Variants in WWC2 observed in about 807,000 individuals in gnomAD.
The protein encoded by WWC2 is protein WWC2.
WWC2 carries 101 observed loss-of-function variants against 138.5 expected under a neutral mutation model. The observed-to-expected ratio is 0.73, with a 90% CI of 0.62 to 0.86. The LOEUF is 0.86. WWC2 is among the 40% of genes least tolerant of loss of function. The pLI is 0.00. For synonymous variants in WWC2, 558 were observed against 538.4 expected (o/e 1.04, Z -0.50); for missense variants, 1,420 against 1,419.4 (o/e 1.00, Z -0.01).
At chr4:183,202,490 A>C (rs1376358020) in intron 2 of WWC2, among the ~76,000 whole-genome samples, 1 of 152,230 alleles carries the variant, frequency 6.6e-6, no homozygotes, top group Non-Finnish European at 1.5e-5. Context: ...CTTTGAGAAG[A>C]AATATTTTCT....
intron 1 of WWC2, among the ~76,000 whole-genome samples, chr4:183,148,649 T>C (rs1420305853): frequency 6.6e-6 from 1 of 152,204 alleles, no homozygotes; most frequent in East Asian, 1.9e-4. Flanking sequence ...CTAGATATCT[T>C]TGTTGTAGCT....
intron 1 of WWC2, among the ~76,000 whole-genome samples, chr4:183,144,421 A>T (rs1167804779): frequency 2.6e-5 from 4 of 152,244 alleles, no homozygotes; most frequent in East Asian, 3.9e-4. Flanking sequence ...TTTAAAAAAA[A>T]CTTTAGTGTC....
At chr4:183,122,182 A>G (rs1020586082) in intron 1 of WWC2, among the ~76,000 whole-genome samples, 17 of 152,136 alleles carry the variant, frequency 1.1e-4, no homozygotes, top group Non-Finnish European at 2.4e-4. Flanking sequence ...AATGTTATTT[A>G]TGTATTAGGC....
intron 1 of WWC2, among the ~76,000 whole-genome samples, chr4:183,177,012 G>C (rs1734488478): frequency 2.0e-5 from 3 of 152,210 alleles, no homozygotes; most frequent in Non-Finnish European, 1.5e-5. Context: ...AACACATGTT[G>C]AATGAGCAGC....
intron 4 of WWC2, among the ~76,000 whole-genome samples, chr4:183,215,059 C>A (rs546841691): frequency 1.4e-4 from 22 of 152,092 alleles, no homozygotes; most frequent in Non-Finnish European, 2.9e-4. Context: ...ATGGTCCAGG[C>A]CCCCCAGTGG....
At chr4:183,227,446 G>A (rs941573985) in intron 4 of WWC2, among the ~76,000 whole-genome samples, 2 of 151,944 alleles carry the variant, frequency 1.3e-5, no homozygotes, top group African/African-American at 4.8e-5. Context: ...GAACTGGCAG[G>A]ATAAAAAGAA....
intron 1 of WWC2, among the ~76,000 whole-genome samples, chr4:183,108,065 T>C (rs1046690352): frequency 6.6e-6 from 1 of 152,170 alleles, no homozygotes; most frequent in Non-Finnish European, 1.5e-5. Context: ...TTATGAGGCA[T>C]TTGTGTGAGT....
rs1743087030 is a variant in WWC2 at position 183,099,486 on chromosome 4, C to T, written c.-6C>T. On this transcript the variant is annotated 5_prime_UTR_variant, in exon 1 of 23. Transcript: ENST00000403733. ...GAGGCGCCGCTCGCCGGCGAGGCCGCCGACCATGCCTAGGAGGGCCGGGAG... is the reference window on the plus strand; with the variant it reads ...GAGGCGCCGCTCGCCGGCGAGGCCGTCGACCATGCCTAGGAGGGCCGGGAG... 3.1e-6 allele frequency: 4 copies of T among 1,310,892 alleles called. No individual in the cohort carries two copies. Among genetic ancestry groups the T allele is most frequent in the East Asian group, 3.4e-5 (1 of 29,548 alleles). 81.2% of individuals were successfully genotyped at this position (1,310,892 alleles called of 1,614,324 possible).
At chr4:183,118,809 G>C (rs541928245) in intron 1 of WWC2, among the ~76,000 whole-genome samples, 1 of 152,148 alleles carries the variant, frequency 6.6e-6, no homozygotes, top group Non-Finnish European at 1.5e-5. Context: ...GTAGCCAAGC[G>C]TTGAGTCCTT....
chr4:183,319,420 A>C lies in WWC2; in HGVS notation c.*3691A>C, dbSNP rs184295038. The stretch of plus-strand genomic sequence containing the variant: ...AATGGTTTACCAGTCTTGGAAAGAA[A>C]CTATAGTTTAATAGCCACAGGAAAA... On this transcript the variant is annotated 3_prime_UTR_variant, in exon 23 of 23. Transcript: ENST00000403733. 1.0e-6 allele frequency: 1 copy of C among 973,288 alleles called. No individual in the cohort carries two copies. 60.3% of individuals were successfully genotyped at this position (973,288 alleles called of 1,614,324 possible). A position where few individuals can be genotyped will look rare whatever the true frequency, so the allele number is the denominator to read the frequency against.
chr4:183,217,430 A>C (rs1735789035), intron 4 of WWC2, among the ~76,000 whole-genome samples: 1 of 152,346 alleles, frequency 6.6e-6, no homozygotes, highest in South Asian at 2.1e-4. Flanking sequence ...AAAGCTGTTA[A>C]GAATGATCAG....
intron 1 of WWC2, among the ~76,000 whole-genome samples, chr4:183,154,018 A>AC (rs1733723587): frequency 1.4e-5 from 2 of 143,176 alleles, no homozygotes; most frequent in Admixed American, 6.7e-5. Flanking sequence ...AAAAAAAAAA[A>AC]AAAAAAAAAA....
At chr4:183,256,674 C>T (rs531941509) in intron 9 of WWC2, among the ~76,000 whole-genome samples, 1 of 152,282 alleles carries the variant, frequency 6.6e-6, no homozygotes, top group Admixed American at 6.5e-5. Flanking sequence ...TGTGTGCCAC[C>T]AACCCCAAAT....
At chr4:183,224,549 A>T (rs1002578241) in intron 4 of WWC2, among the ~76,000 whole-genome samples, 10 of 107,672 alleles carry the variant, frequency 9.3e-5, no homozygotes, top group African/African-American at 3.9e-4. Context: ...GTTTTTGTTT[A>T]GTTTTGTTTT....
rs577038488 is a variant in WWC2, at chr4:183,242,829, C to CT, written c.602+2570dup. Among the ~76,000 whole-genome samples the CT allele has an allele frequency of 2.3e-4, 35 of 152,178 alleles. No individual in the cohort carries two copies. The South Asian group carries it at 7.3e-3, about 32-fold the overall frequency. Reference sequence around the variant, plus strand: ...CATATTAAGAACAAAAAGCATGATACTTTAAGTCAGCAAATGATGCTCATA... The same window carrying CT: ...CATATTAAGAACAAAAAGCATGATACTTTTAAGTCAGCAAATGATGCTCATA... On this transcript the variant is annotated intron_variant, in intron 5 of 22. Coordinates refer to ENST00000403733, the MANE Select transcript of WWC2 (RefSeq NM_024949.6).
chr4:183,127,604 A>G (rs1488584571), intron 1 of WWC2, among the ~76,000 whole-genome samples: 1 of 152,188 alleles, frequency 6.6e-6, no homozygotes, highest in Non-Finnish European at 1.5e-5. Context: ...AGTGCATTAT[A>G]TTTGGGATTT....
At chr4:183,295,514 A>G (rs1738603293) in intron 21 of WWC2, among the ~76,000 whole-genome samples, 1 of 152,218 alleles carries the variant, frequency 6.6e-6, no homozygotes, top group Admixed American at 6.5e-5. Flanking sequence ...CCCTGTCCTC[A>G]GGGAACCCTT....
chr4:183,295,715 G>A (rs147184458), intron 21 of WWC2, among the ~76,000 whole-genome samples: 95 of 152,318 alleles, frequency 6.2e-4, no homozygotes, highest in African/African-American at 2.1e-3. Flanking sequence ...CTCATACGAT[G>A]TTCACAGGCG....
intron 1 of WWC2, among the ~76,000 whole-genome samples, chr4:183,130,227 T>C (rs2111069239): frequency 6.6e-6 from 1 of 152,252 alleles, no homozygotes; most frequent in Admixed American, 6.5e-5. Flanking sequence ...TAATTTTTTG[T>C]ATTTTTAGTA....
Sources: allele counts gnomAD v4.1 joint callset (sites outside exome capture counted in the v4.1 genomes callset), GRCh38; gene constraint gnomAD v4.1.1; transcripts MANE v1.5; gene names NCBI Gene and HGNC (gene_info 2026-07-23, HGNC 2026-07-21).